The following UTS2 variants were observed in gnomAD, a reference collection of about 807,000 sequenced individuals.
UTS2 encodes the protein urotensin 2, also known as urotensin-2.
Under a neutral mutation model 12.6 loss-of-function variants are expected in UTS2, and 10 were observed. That is an observed-to-expected ratio of 0.80 (90% CI 0.49 to 1.35). The LOEUF is 1.35. Ranked by LOEUF, UTS2 falls within the 40% of genes most tolerant of loss-of-function variation. UTS2 has a pLI of 0.00. For missense variants in UTS2, 142 were observed against 143.2 expected (o/e 0.99, Z 0.04); for synonymous variants, 52 against 50.0 (o/e 1.04, Z -0.17).
chr1:7,903,489 C>T, the UTS2 span, among the ~76,000 whole-genome samples: 2 of 152,076 alleles, frequency 1.3e-5, no homozygotes, highest in South Asian at 4.2e-4. Flanking sequence ...CGGGTTCAAG[C>T]CATTTTCTTG....
At chr1:7,867,798 C>A in the UTS2 span, among the ~76,000 whole-genome samples, 1 of 152,094 alleles carries the variant, frequency 6.6e-6, no homozygotes, top group Admixed American at 6.6e-5. Flanking sequence ...ATCGCTTGAA[C>A]CCGGGAGGTG....
At chr1:7,890,032 A>G in the UTS2 span, among the ~76,000 whole-genome samples, 1 of 150,536 alleles carries the variant, frequency 6.6e-6, no homozygotes, top group Non-Finnish European at 1.5e-5. Context: ...GCGCCGCTGC[A>G]CTCCAGCGTA....
the UTS2 span, among the ~76,000 whole-genome samples, chr1:7,909,567 A>G: frequency 6.6e-6 from 1 of 151,960 alleles, no homozygotes; most frequent in Non-Finnish European, 1.5e-5. Flanking sequence ...AAAAAAGAAA[A>G]AAAAATTTAG....
At chr1:7,875,396 C>T in the UTS2 span, among the ~76,000 whole-genome samples, 2 of 152,240 alleles carry the variant, frequency 1.3e-5, no homozygotes, top group South Asian at 4.1e-4. Flanking sequence ...TTCTTTATAG[C>T]AGTGTGAAAA....
At chr1:7,877,645 C>T in the UTS2 span, among the ~76,000 whole-genome samples, 5 of 152,194 alleles carry the variant, frequency 3.3e-5, no homozygotes, top group Admixed American at 2.6e-4. Context: ...GAGGCTGAGG[C>T]GGGAGGATCA....
the UTS2 span, among the ~76,000 whole-genome samples, chr1:7,898,665 G>C: frequency 2.0e-5 from 3 of 152,178 alleles, no homozygotes; most frequent in African/African-American, 7.2e-5. Context: ...TTTTAGTAGA[G>C]ACGGGGTTTC....
the UTS2 span, among the ~76,000 whole-genome samples, chr1:7,893,483 C>G: frequency 7.2e-6 from 1 of 139,466 alleles, no homozygotes; most frequent in South Asian, 2.3e-4. Context: ...CAGAGCCAGA[C>G]CCTGTCTCTA....
At chr1:7,907,927 C>A in the UTS2 span, among the ~76,000 whole-genome samples, 1 of 151,648 alleles carries the variant, frequency 6.6e-6, no homozygotes, top group African/African-American at 2.4e-5. Flanking sequence ...TCTGGGAGGC[C>A]GAGGCAAGCA....
intron 3 of UTS2, 91 bp downstream of exon 3, chr1:7,849,549 A>C (rs972149082): frequency 8.5e-7 from 1 of 1,183,122 alleles, no homozygotes. Context: ...TTCCACCAAG[A>C]ACACTCCTCT....
At chr1:7,884,323 A>G in the UTS2 span, among the ~76,000 whole-genome samples, 1 of 136,950 alleles carries the variant, frequency 7.3e-6, no homozygotes, top group African/African-American at 3.0e-5. Flanking sequence ...TTTTTTTGAG[A>G]CAAGGTCTCA....
the UTS2 span, among the ~76,000 whole-genome samples, chr1:7,905,986 G>A: frequency 6.6e-6 from 1 of 152,064 alleles, no homozygotes; most frequent in Non-Finnish European, 1.5e-5. Flanking sequence ...CACAGCCAGT[G>A]GGTGGGTGGG....
At chr1:7,885,903 TGGGGTGGGGGG>T in the UTS2 span, among the ~76,000 whole-genome samples, 1 of 5,268 alleles carries the variant, frequency 1.9e-4, no homozygotes, top group South Asian at 7.9e-3. Context: ...GGTGGGGGGG[TGGGGTGGGGGG>T]GGGCGGGTGG....
At chr1:7,903,388 A>T in the UTS2 span, among the ~76,000 whole-genome samples, 110 of 143,006 alleles carry the variant, frequency 7.7e-4, 5 homozygotes, top group African/African-American at 2.5e-3. Context: ...TTAATTAATT[A>T]ATTAATTTAT....
chr1:7,859,997 T>TAA, the UTS2 span, among the ~76,000 whole-genome samples: 1 of 145,582 alleles, frequency 6.9e-6, no homozygotes, highest in Admixed American at 6.8e-5. Context: ...AGATCCTGTC[T>TAA]AAAAAAAAAT....
chr1:7,902,739 C>T, the UTS2 span, among the ~76,000 whole-genome samples: 2 of 152,264 alleles, frequency 1.3e-5, no homozygotes, highest in South Asian at 4.1e-4. Flanking sequence ...CTATTTCCTT[C>T]CCTTTAATTA....
chr1:7,866,185 G>T, the UTS2 span, among the ~76,000 whole-genome samples: 2 of 152,096 alleles, frequency 1.3e-5, no homozygotes, highest in African/African-American at 4.8e-5. The surrounding 1 kb of genome is among the most constrained non-coding windows in gnomAD (Gnocchi z 4.5). Context: ...TGTGGCCCGG[G>T]GTCGCTCGTG....
chr1:7,849,822 C>T (rs1315215179), intron 2 of UTS2, 139 bp from the exon 3 acceptor site: 2 of 687,698 alleles, frequency 2.9e-6, no homozygotes, highest in African/African-American at 3.7e-5. Flanking sequence ...TTCTTGAATG[C>T]AGACAGACAG....
chr1:7,853,527 C>T (rs1360072292), upstream of UTS2: 2 of 1,495,262 alleles, frequency 1.3e-6, no homozygotes, highest in African/African-American at 2.8e-5. Context: ...AACGTAAAAC[C>T]AGCTATTTCC....
At chr1:7,888,304 G>A in the UTS2 span, among the ~76,000 whole-genome samples, 1 of 151,934 alleles carries the variant, frequency 6.6e-6, no homozygotes, top group African/African-American at 2.4e-5. Flanking sequence ...TTCCAAAACA[G>A]CACTGAGCAT....
Sources: gnomAD v4.1 joint callset for allele counts (sites outside exome capture counted in the v4.1 genomes callset) on GRCh38, gnomAD v4.1.1 for gene constraint, Gnocchi (gnomAD v3.1) non-coding constraint, MANE v1.5 for transcripts, NCBI Gene and HGNC (gene_info 2026-07-23, HGNC 2026-07-21) for gene names.